The following GARRE1 variants were observed in gnomAD, a reference collection of about 807,000 sequenced individuals.
The protein encoded by GARRE1 is granule associated Rac and RHOG effector 1, also known as granule associated Rac and RHOG effector protein 1.
In GARRE1, 49 loss-of-function variants were observed where a neutral mutation model predicts 103.2. That is an observed-to-expected ratio of 0.47 (90% CI 0.38 to 0.60). GARRE1 has a LOEUF of 0.60. Among genes scored for constraint, GARRE1 ranks in the 20% least tolerant of loss-of-function variants. The probability of loss-of-function intolerance (pLI) is 0.00; values close to 1 mark genes in which losing one functional copy is unlikely to be tolerated. For synonymous variants in GARRE1, 505 were observed against 532.8 expected (o/e 0.95, Z 0.72); for missense variants, 1,199 against 1,370.5 (o/e 0.87, Z 1.98).
At position 34,341,718 on chromosome 19, in the gene GARRE1, G is replaced by A. The variant is rs764423004; in HGVS notation, c.1784G>A (p.Gly595Asp). 6 of 1,614,060 alleles carry A rather than the reference G, an allele frequency of 3.7e-6. No homozygotes were observed. The East Asian group carries it at 6.7e-5, about 18-fold the overall frequency. Residue 595 changes from glycine to aspartate, a missense_variant, in exon 10 of 14, where the codon GGT becomes GAT. By Grantham distance (94) the Gly-to-Asp change is moderately conservative. Transcript: ENST00000299505. ...DTRLQSILNI[G>D]NFPRTTDPSQ... ...AGGTTACAAAGCATTTTGAACATTG[G>A]TAATTTCCCCAGGACTACAGACCCT... is the stretch of plus-strand genomic sequence containing the variant.
Position 34,347,953 on chromosome 19 carries a change from C to A in GARRE1, c.2598C>A (p.His866Gln), listed in dbSNP as rs1183496850. The A allele has an allele frequency of 1.9e-6, 3 of 1,589,884 alleles. No homozygotes were observed. The highest frequency in any genetic ancestry group is 2.6e-6 in the Non-Finnish European group (3 of 1,167,364). The change falls in exon 11 of 14, where the codon CAC (histidine) becomes CAA (glutamine). Residue 866 changes from histidine (H) to glutamine (Q), a missense_variant. Transcript: ENST00000299505. ...TGCAGCAGAAGCGGCAGGCCCAGCACGGTCGCCGGCCAGGCAACCCCCGGG... is the reference window on the plus strand; with the variant it reads ...TGCAGCAGAAGCGGCAGGCCCAGCAAGGTCGCCGGCCAGGCAACCCCCGGG... ...QAMQQKRQAQ[H>Q]GRRPGNPRGN... is the part of the protein sequence containing the mutation.
At chr19:34,288,608 A>G (rs1035977700) in intron 1 of GARRE1, among the ~76,000 whole-genome samples, 4 of 152,212 alleles carry the variant, frequency 2.6e-5, no homozygotes, top group African/African-American at 9.6e-5. Flanking sequence ...AATTGGTACC[A>G]CGCAACCACC....
intron 6 of GARRE1, among the ~76,000 whole-genome samples, chr19:34,329,490 T>C (rs1191558469): frequency 1.3e-5 from 2 of 152,180 alleles, no homozygotes; most frequent in Non-Finnish European, 2.9e-5. Flanking sequence ...CTGAGAGTGA[T>C]TGATGATAAT....
chr19:34,255,966 C>T (rs1227807058), intron 1 of GARRE1, among the ~76,000 whole-genome samples: 1 of 151,588 alleles, frequency 6.6e-6, no homozygotes, highest in Non-Finnish European at 1.5e-5. Context: ...TTTAGTCTCC[C>T]GAGTAGCTGA....
At chr19:34,314,672 C>T (rs1211001364) in intron 2 of GARRE1, among the ~76,000 whole-genome samples, 1 of 152,154 alleles carries the variant, frequency 6.6e-6, no homozygotes, top group Non-Finnish European at 1.5e-5. Context: ...TTGCTTTCTC[C>T]CTCGTTTGTT....
At chr19:34,262,289 T>TG (rs2073723532) in intron 1 of GARRE1, among the ~76,000 whole-genome samples, 1 of 107,024 alleles carries the variant, frequency 9.3e-6, no homozygotes, top group Non-Finnish European at 2.1e-5. Flanking sequence ...AGCTGCTGCT[T>TG]TTTTTTTTTT....
chr19:34,336,555 C>T (rs551679201), intron 8 of GARRE1, among the ~76,000 whole-genome samples: 2 of 151,444 alleles, frequency 1.3e-5, no homozygotes, highest in South Asian at 4.2e-4. Flanking sequence ...GCAACCTCCA[C>T]CTCCTGGGTT....
chr19:34,317,601 C>T (rs544689499), intron 2 of GARRE1, among the ~76,000 whole-genome samples: 1 of 152,284 alleles, frequency 6.6e-6, no homozygotes, highest in South Asian at 2.1e-4. Flanking sequence ...ACATGCAAGC[C>T]GATGCCAGTT....
At chr19:34,290,871 T>C (rs1221675366) in intron 1 of GARRE1, among the ~76,000 whole-genome samples, 1 of 128,948 alleles carries the variant, frequency 7.8e-6, no homozygotes, top group Non-Finnish European at 1.6e-5. Context: ...TGAAAGCATA[T>C]TGCTTTTTTT....
intron 1 of GARRE1, among the ~76,000 whole-genome samples, chr19:34,290,889 T>C (rs1268575157): frequency 2.1e-4 from 2 of 9,608 alleles, no homozygotes; most frequent in African/African-American, 3.9e-4. Flanking sequence ...TTTTTTTTTT[T>C]TTTTTTTTTT....
At chr19:34,261,780 G>A (rs2073720041) in intron 1 of GARRE1, among the ~76,000 whole-genome samples, 1 of 152,162 alleles carries the variant, frequency 6.6e-6, no homozygotes, top group Non-Finnish European at 1.5e-5. Context: ...AGTGGGAGCA[G>A]TCCTTGAAAT....
At chr19:34,262,580 G>A (rs2073725808) in intron 1 of GARRE1, among the ~76,000 whole-genome samples, 1 of 152,048 alleles carries the variant, frequency 6.6e-6, no homozygotes, top group Non-Finnish European at 1.5e-5. Context: ...GTAGGCGTGA[G>A]TCACCTCGCC....
intron 1 of GARRE1, among the ~76,000 whole-genome samples, chr19:34,263,227 TA>T (rs2073729911): frequency 6.6e-6 from 1 of 150,610 alleles, no homozygotes; most frequent in African/African-American, 2.4e-5. Context: ...AATAAATAAA[TA>T]AAAATAAAAT....
chr19:34,261,020 T>A (rs770817126), intron 1 of GARRE1, among the ~76,000 whole-genome samples: 1 of 152,182 alleles, frequency 6.6e-6, no homozygotes, highest in African/African-American at 2.4e-5. Context: ...CAGCGTTCCC[T>A]CCACAAAGCC....
intron 8 of GARRE1, among the ~76,000 whole-genome samples, chr19:34,334,958 G>T (rs185173597): frequency 6.6e-6 from 1 of 151,728 alleles, no homozygotes; most frequent in South Asian, 2.1e-4. Context: ...CAGGAGAACC[G>T]CTTGAGCCTG....
chr19:34,301,076 T>G (rs2073976495), intron 2 of GARRE1, 108 bp downstream of exon 2: 2 of 1,185,344 alleles, frequency 1.7e-6, no homozygotes, highest in Non-Finnish European at 2.4e-6. Context: ...GCCTTTGTCC[T>G]CTTGCTGTTG....
intron 1 of GARRE1, among the ~76,000 whole-genome samples, chr19:34,264,049 G>A (rs948469583): frequency 6.6e-6 from 1 of 152,080 alleles, no homozygotes; most frequent in African/African-American, 2.4e-5. Context: ...TGTGTTTGTC[G>A]TCGTCTCTGT....
Position 34,354,424 on chromosome 19 carries a change from C to A in GARRE1, c.*1469C>A, listed in dbSNP as rs1489859278. 6.6e-6 allele frequency: 1 copy of A among 152,116 alleles called. No individual in the cohort carries two copies. The highest frequency in any genetic ancestry group is 1.5e-5 in the Non-Finnish European group (1 of 68,030). The allele number at this position is 152,116 out of a possible 1,614,324, so 9.4% of individuals were successfully genotyped here. ...TGGTGGCTCACGCCTGTAATCCCAG[C>A]ACTTTGGGAGGCCGAGGCAGGTGGA... On this transcript the variant is annotated 3_prime_UTR_variant, in exon 14 of 14. Transcript: ENST00000299505.
At chr19:34,294,932 C>T (rs1285863973) in intron 1 of GARRE1, among the ~76,000 whole-genome samples, 3 of 152,210 alleles carry the variant, frequency 2.0e-5, no homozygotes, top group African/African-American at 7.2e-5. Flanking sequence ...CCACCTCGGC[C>T]TCCCAAAGCA....
Sources: gnomAD v4.1 joint callset for allele counts (sites outside exome capture counted in the v4.1 genomes callset) on GRCh38, gnomAD v4.1.1 for gene constraint, MANE v1.5 for transcripts, NCBI Gene and HGNC (gene_info 2026-07-23, HGNC 2026-07-21) for gene names.